CLYBL: variants seen among roughly 807,000 people sequenced by gnomAD.
The protein encoded by CLYBL is citramalyl-CoA lyase.
Under a neutral mutation model 38.9 loss-of-function variants are expected in CLYBL, and 31 were observed. The observed-to-expected ratio is 0.80, with a 90% CI of 0.60 to 1.08. The LOEUF (loss-of-function observed/expected upper bound fraction) is 1.08, where lower values mean the gene tolerates loss of function less well. CLYBL is among the 50% of genes least tolerant of loss of function. The pLI is 0.00. For missense variants in CLYBL, 434 were observed against 411.6 expected (o/e 1.05, Z -0.47); for synonymous variants, 171 against 158.6 (o/e 1.08, Z -0.59).
chr13:99,633,660 G>T (rs2046980679), intron 1 of CLYBL, among the ~76,000 whole-genome samples: 1 of 152,098 alleles, frequency 6.6e-6, no homozygotes, highest in South Asian at 2.1e-4. Context: ...GTTGATGAAA[G>T]TGTTCTTGAG....
Position 99,721,275 on chromosome 13 carries a change from C to T in CLYBL, c.63-51549C>T, listed in dbSNP as rs916784048. ...GGCTAGGCTGATCTCGAACTTTGAC[C>T]GCAAGTGATCCACCCGCCTCAGCCT... On this transcript the variant is annotated intron_variant, in intron 1 of 8. Transcript: ENST00000339105. Among the ~76,000 whole-genome samples, 7 of 151,558 alleles carry T rather than the reference C, an allele frequency of 4.6e-5. No homozygotes were observed. In the South Asian group the frequency reaches 6.2e-4, roughly 13 times the overall value.
chr13:99,770,436 G>C (rs955398181), intron 1 of CLYBL, among the ~76,000 whole-genome samples: 1 of 152,142 alleles, frequency 6.6e-6, no homozygotes, highest in African/African-American at 2.4e-5. Context: ...TCCTGCCTCA[G>C]CCTCCCGAGC....
intron 1 of CLYBL, among the ~76,000 whole-genome samples, chr13:99,637,740 A>G (rs2047039744): frequency 6.6e-6 from 1 of 152,232 alleles, no homozygotes; most frequent in Non-Finnish European, 1.5e-5. Flanking sequence ...CCTGGGCTAC[A>G]GAGTGTGACT....
At chr13:99,845,447 TGCAGTGC>T (rs1416550662) in intron 2 of CLYBL, among the ~76,000 whole-genome samples, 10 of 152,196 alleles carry the variant, frequency 6.6e-5, no homozygotes, top group African/African-American at 2.4e-4. Context: ...CAAGTGGTTG[TGCAGTGC>T]GCCTGCCTGG....
intron 1 of CLYBL, chr13:99,643,245 C>T (rs2047123111): frequency 6.5e-6 from 1 of 152,674 alleles, no homozygotes; most frequent in African/African-American, 2.4e-5. Flanking sequence ...CAGTTTGCCT[C>T]ACTGCTCCGG....
intron 6 of CLYBL, among the ~76,000 whole-genome samples, chr13:99,868,177 G>T (rs990928855): frequency 2.6e-5 from 4 of 152,164 alleles, no homozygotes; most frequent in African/African-American, 9.7e-5. Context: ...CATAACTAGG[G>T]AGCCACACTT....
chr13:99,702,899 G>A (rs1424649709), intron 1 of CLYBL, among the ~76,000 whole-genome samples: 2 of 152,188 alleles, frequency 1.3e-5, no homozygotes, highest in Non-Finnish European at 2.9e-5. Flanking sequence ...TTACCTTCCT[G>A]GAGGTGAAGG....
intron 1 of CLYBL, among the ~76,000 whole-genome samples, chr13:99,709,001 G>C (rs1032815962): frequency 6.6e-6 from 1 of 152,100 alleles, no homozygotes; most frequent in African/African-American, 2.4e-5. Context: ...GCTGAGGCAG[G>C]AGAACTGCTT....
intron 1 of CLYBL, among the ~76,000 whole-genome samples, chr13:99,611,112 A>G (rs1327133472): frequency 6.6e-6 from 1 of 152,218 alleles, no homozygotes; most frequent in Non-Finnish European, 1.5e-5. Context: ...CAAGTCTACC[A>G]CAGAGCTGGG....
chr13:99,779,899 A>C (rs1304424846), intron 2 of CLYBL, among the ~76,000 whole-genome samples: 3 of 152,194 alleles, frequency 2.0e-5, no homozygotes, highest in Non-Finnish European at 4.4e-5. Context: ...CTGCTTCATG[A>C]CCAACTACAT....
intron 1 of CLYBL, among the ~76,000 whole-genome samples, chr13:99,770,647 AC>A (rs2049370317): frequency 6.7e-6 from 1 of 150,106 alleles, no homozygotes; most frequent in Non-Finnish European, 1.5e-5. Flanking sequence ...CAGATGATCC[AC>A]CCTCCTCGGC....
At chr13:99,894,820 A>G (rs1302610205), downstream of CLYBL, 4 of 143,598 alleles carry the variant, frequency 2.8e-5, no homozygotes. Context: ...ATTTTAATGT[A>G]TAGAGGATTA....
At chr13:99,857,264 G>A (rs1285540144) in intron 2 of CLYBL, among the ~76,000 whole-genome samples, 4 of 152,184 alleles carry the variant, frequency 2.6e-5, no homozygotes, top group Middle Eastern at 3.4e-3. Flanking sequence ...GCAGTGAGCC[G>A]AGATTGCGCC....
In CLYBL at chr13:99,767,996, C is replaced by T. The variant is rs1385651243; in HGVS notation, c.63-4828C>T. Among the ~76,000 whole-genome samples the T allele has an allele frequency of 2.0e-5, 3 of 151,962 alleles. No homozygotes were observed. In the East Asian group the frequency reaches 5.8e-4, roughly 29 times the overall value. Reference sequence around the variant, plus strand: ...ACTGGGCCATATTTTCATCTTTCTTCATATGTCTTGTGATTTTTTTGTTGT... The same window carrying T: ...ACTGGGCCATATTTTCATCTTTCTTTATATGTCTTGTGATTTTTTTGTTGT... On this transcript the variant is annotated intron_variant, in intron 1 of 8. Coordinates refer to ENST00000339105, the MANE Select transcript of CLYBL (RefSeq NM_206808.5).
At chr13:99,705,007 A>G (rs2048124786) in intron 1 of CLYBL, among the ~76,000 whole-genome samples, 1 of 152,226 alleles carries the variant, frequency 6.6e-6, no homozygotes, top group Non-Finnish European at 1.5e-5. Flanking sequence ...TTATGTTTGC[A>G]ACATTATGTT....
intron 2 of CLYBL, among the ~76,000 whole-genome samples, chr13:99,819,465 T>TATATATAAATAA: frequency 1.7e-5 from 1 of 58,744 alleles, no homozygotes; most frequent in Admixed American, 1.6e-4. Context: ...TATATATATA[T>TATATATAAATAA]ATAATATTTG....
At chr13:99,780,713 CTTTT>C (rs11300050) in intron 2 of CLYBL, among the ~76,000 whole-genome samples, 3 of 124,224 alleles carry the variant, frequency 2.4e-5, no homozygotes, top group Non-Finnish European at 1.7e-5. Flanking sequence ...AATCCATTGT[CTTTT>C]TTTTTTTTTT....
chr13:99,775,793 G>C (rs1239390435), intron 2 of CLYBL, among the ~76,000 whole-genome samples: 1 of 152,088 alleles, frequency 6.6e-6, no homozygotes, highest in Admixed American at 6.5e-5. Flanking sequence ...ACAGGCATAA[G>C]CCATGATGCC....
chr13:99,787,123 A>G (rs2049812461), intron 2 of CLYBL, among the ~76,000 whole-genome samples: 1 of 151,800 alleles, frequency 6.6e-6, no homozygotes, highest in Non-Finnish European at 1.5e-5. Flanking sequence ...AGATGAGTAG[A>G]TTGCAAAAAT....
Sources: gnomAD v4.1 joint callset for allele counts (sites outside exome capture counted in the v4.1 genomes callset) on GRCh38, gnomAD v4.1.1 for gene constraint, MANE v1.5 for transcripts, NCBI Gene and HGNC (gene_info 2026-07-23, HGNC 2026-07-21) for gene names.